The following DGKB variants were observed in gnomAD, a reference collection of about 807,000 sequenced individuals.
DGKB encodes the protein 90 kDa diacylglycerol kinase.
Under a neutral mutation model 114.3 loss-of-function variants are expected in DGKB, and 67 were observed. The ratio of observed to expected loss-of-function variants is 0.59; its 90% confidence interval spans 0.48 to 0.72. DGKB has a LOEUF of 0.72. DGKB is among the 30% of genes least tolerant of loss of function. The probability of loss-of-function intolerance (pLI) is 0.00; values close to 1 mark genes in which losing one functional copy is unlikely to be tolerated. For synonymous variants in DGKB, 398 were observed against 323.1 expected (o/e 1.23, Z -2.49); for missense variants, 907 against 975.2 (o/e 0.93, Z 0.93).
chr7:14,446,492 TACAG>T (rs1830742893), intron 21 of DGKB, among the ~76,000 whole-genome samples: 2 of 152,224 alleles, frequency 1.3e-5, no homozygotes, highest in South Asian at 4.1e-4. Flanking sequence ...GCACATGACA[TACAG>T]ACAGACACTC....
At chr7:14,476,783 C>G (rs1464159600) in intron 21 of DGKB, among the ~76,000 whole-genome samples, 1 of 138,414 alleles carries the variant, frequency 7.2e-6, no homozygotes, top group Non-Finnish European at 1.5e-5. Flanking sequence ...GAGACGGAAT[C>G]TCACTCTGTT....
chr7:14,168,714 C>T (rs1180602063), intron 25 of DGKB, among the ~76,000 whole-genome samples: 1 of 152,140 alleles, frequency 6.6e-6, no homozygotes, highest in Non-Finnish European at 1.5e-5. Context: ...GTCAGAAGAG[C>T]TGGATGCAGG....
At chr7:14,343,623 G>A (rs1221150998) in intron 22 of DGKB, among the ~76,000 whole-genome samples, 1 of 151,424 alleles carries the variant, frequency 6.6e-6, no homozygotes, top group Non-Finnish European at 1.5e-5. Flanking sequence ...AAAGGGAGGT[G>A]CAGGAGGATT....
chr7:14,869,788 T>G (rs1852195010), intron 1 of DGKB, among the ~76,000 whole-genome samples: 1 of 152,132 alleles, frequency 6.6e-6, no homozygotes, highest in Non-Finnish European at 1.5e-5. Flanking sequence ...TTAATTTTGT[T>G]TATATTTACA....
At chr7:14,534,069 G>C (rs1319493644) in intron 20 of DGKB, among the ~76,000 whole-genome samples, 2 of 152,040 alleles carry the variant, frequency 1.3e-5, no homozygotes, top group East Asian at 3.9e-4. Context: ...AAAAAATTAA[G>C]AGACAAAATT....
chr7:14,723,064 G>C (rs921052980), intron 5 of DGKB, among the ~76,000 whole-genome samples: 2 of 148,980 alleles, frequency 1.3e-5, no homozygotes, highest in Non-Finnish European at 3.0e-5. Context: ...TCTGGCTGAA[G>C]CTCACTACTT....
chr7:14,924,424 C>A (rs774624727), intron 1 of DGKB, among the ~76,000 whole-genome samples: 4 of 152,046 alleles, frequency 2.6e-5, no homozygotes, highest in Non-Finnish European at 5.9e-5. Flanking sequence ...ATAAAAAGTT[C>A]TCAGGTGTTA....
At chr7:14,856,573 T>G (rs1028964913) in intron 1 of DGKB, among the ~76,000 whole-genome samples, 1 of 152,172 alleles carries the variant, frequency 6.6e-6, no homozygotes, top group African/African-American at 2.4e-5. Context: ...TTGCATTTTT[T>G]ACTCAAGTTT....
rs574196210 is a variant in DGKB at position 14,194,309 on chromosome 7, A to G, written c.2123-16158T>C. ...TATTGAATCGACCTAAGTGTCCAAC[A>G]GTGGATGAATGGATAAAAAATGTGG... On this transcript the variant is annotated intron_variant, in intron 23 of 25. Coordinates refer to ENST00000402815, the MANE Select transcript of DGKB (RefSeq NM_001350709.2). Among the ~76,000 whole-genome samples the G allele has an allele frequency of 5.1e-4, 78 of 152,322 alleles. 1 individual carries two copies. The South Asian group carries it at 0.016, about 30-fold the overall frequency.
chr7:14,256,115 GTTTGT>G (rs78409774), intron 23 of DGKB, among the ~76,000 whole-genome samples: 20,913 of 152,128 alleles, frequency 0.14, 1,832 homozygotes, highest in Non-Finnish European at 0.2. Flanking sequence ...GAACTAGCTT[GTTTGT>G]TTTATTTGCT....
chr7:14,717,975 C>T lies in DGKB; in HGVS notation c.466+567G>A, dbSNP rs1828495623. 4.6e-5 allele frequency among the ~76,000 whole-genome samples: 7 copies of T among 152,130 alleles called. No individual in the cohort carries two copies. In the South Asian group the frequency reaches 1.2e-3, roughly 27 times the overall value. Reference sequence around the variant, plus strand: ...TTACTTTCAACTGAATAGAAATTCTCTATCCGCCATGTCCTAAATTTAAGA... The same window carrying T: ...TTACTTTCAACTGAATAGAAATTCTTTATCCGCCATGTCCTAAATTTAAGA... On this transcript the variant is annotated intron_variant, in intron 6 of 25. Coordinates refer to ENST00000402815, the MANE Select transcript of DGKB (RefSeq NM_001350709.2).
At chr7:14,217,702 C>T (rs963698718) in intron 23 of DGKB, among the ~76,000 whole-genome samples, 1 of 152,018 alleles carries the variant, frequency 6.6e-6, no homozygotes, top group African/African-American at 2.4e-5. Flanking sequence ...ACATATAGAC[C>T]TGTATGAATA....
At chr7:14,802,181 T>G (rs1842260873) in intron 2 of DGKB, among the ~76,000 whole-genome samples, 1 of 152,184 alleles carries the variant, frequency 6.6e-6, no homozygotes, top group South Asian at 2.1e-4. Flanking sequence ...AAAGATAATT[T>G]TAATCATTGC....
chr7:14,566,042 CT>C (rs1305544668), intron 20 of DGKB, among the ~76,000 whole-genome samples: 4 of 151,936 alleles, frequency 2.6e-5, no homozygotes, highest in Non-Finnish European at 2.9e-5. Context: ...GTTTCCAAAC[CT>C]GTTTATGCCT....
At chr7:14,243,842 TGTC>T (rs10609393) in intron 23 of DGKB, among the ~76,000 whole-genome samples, 3,538 of 152,280 alleles carry the variant, frequency 0.023, 124 homozygotes, top group African/African-American at 0.081. Context: ...CTACAGCCAT[TGTC>T]GTAACTTGAA....
chr7:14,362,008 A>G (rs1022467558), intron 21 of DGKB, among the ~76,000 whole-genome samples: 1 of 152,056 alleles, frequency 6.6e-6, no homozygotes, highest in Non-Finnish European at 1.5e-5. Flanking sequence ...CAGTATTGAA[A>G]TCAAATTCTG....
At chr7:14,217,031 G>C (rs949056450) in intron 23 of DGKB, among the ~76,000 whole-genome samples, 8 of 151,976 alleles carry the variant, frequency 5.3e-5, no homozygotes, top group African/African-American at 9.7e-5. Flanking sequence ...CTAGGATCTT[G>C]TTTCATCTCA....
intron 25 of DGKB, among the ~76,000 whole-genome samples, chr7:14,163,833 A>G (rs183768863): frequency 6.6e-6 from 1 of 152,140 alleles, no homozygotes; most frequent in South Asian, 2.1e-4. Context: ...TGTCTCTACT[A>G]AAAATACAAA....
intron 1 of DGKB, among the ~76,000 whole-genome samples, chr7:14,965,168 A>T (rs1330558835): frequency 6.6e-6 from 1 of 152,174 alleles, no homozygotes; most frequent in South Asian, 2.1e-4. Context: ...CTAGATATGC[A>T]AGTAGAAAAA....
Sources: allele counts gnomAD v4.1 joint callset (sites outside exome capture counted in the v4.1 genomes callset), GRCh38; gene constraint gnomAD v4.1.1; transcripts MANE v1.5; gene names NCBI Gene and HGNC (gene_info 2026-07-23, HGNC 2026-07-21).